Variants in RNF217 observed in about 807,000 individuals in gnomAD.
RNF217 encodes ring finger protein 217.
Under a neutral mutation model 57.8 loss-of-function variants are expected in RNF217, and 31 were observed. The ratio of observed to expected loss-of-function variants is 0.54; its 90% confidence interval spans 0.40 to 0.72. The LOEUF (loss-of-function observed/expected upper bound fraction) is 0.72, where lower values mean the gene tolerates loss of function less well. RNF217 is among the 30% of genes least tolerant of loss of function. The pLI is 0.00. For missense variants in RNF217, 696 were observed against 708.3 expected (o/e 0.98, Z 0.20); for synonymous variants, 313 against 294.0 (o/e 1.06, Z -0.66).
intron 1 of RNF217, among the ~76,000 whole-genome samples, chr6:125,006,395 T>C (rs982252092): frequency 6.6e-6 from 1 of 152,214 alleles, no homozygotes; most frequent in African/African-American, 2.4e-5. Context: ...CTCACTTTCC[T>C]AGCATAGTTA....
Position 125,090,057 on chromosome 6 carries a change from C to T in RNF217, c.*7120C>T, listed in dbSNP as rs1320495601. The T allele has an allele frequency of 3.9e-5, 6 of 151,982 alleles. No homozygotes were observed. The highest frequency in any genetic ancestry group is 5.9e-5 in the Non-Finnish European group (4 of 67,990). 9.4% of individuals were successfully genotyped at this position (151,982 alleles called of 1,614,324 possible). On this transcript the variant is annotated 3_prime_UTR_variant, in exon 6 of 6. Coordinates refer to ENST00000521654, the MANE Select transcript of RNF217 (RefSeq NM_001286398.3). ...CATTTTTTTAAGTGTCATATGGCAA[C>T]TCCTCAATAGCTTACTTTTATTATT...
chr6:125,039,512 C>T (rs1026934312), intron 1 of RNF217, among the ~76,000 whole-genome samples: 1 of 152,100 alleles, frequency 6.6e-6, no homozygotes, highest in Non-Finnish European at 1.5e-5. Context: ...GAGACTTTAA[C>T]ACCACATTTT....
chr6:125,047,878 T>G (rs1312716352), intron 2 of RNF217, among the ~76,000 whole-genome samples: 5 of 152,018 alleles, frequency 3.3e-5, no homozygotes, highest in Non-Finnish European at 7.4e-5. Context: ...TTAAGCAAAT[T>G]TCAAAAGAGT....
intron 1 of RNF217, among the ~76,000 whole-genome samples, chr6:124,968,081 C>T (rs571474627): frequency 1.3e-5 from 2 of 152,256 alleles, no homozygotes; most frequent in South Asian, 4.2e-4. Context: ...CGTGCCTGGC[C>T]CCATAAATTC....
intron 1 of RNF217, among the ~76,000 whole-genome samples, chr6:125,014,163 A>G (rs1005571138): frequency 2.0e-5 from 3 of 152,180 alleles, no homozygotes; most frequent in Admixed American, 2.0e-4. Flanking sequence ...GTCAGAATGG[A>G]TGGTCATTAA....
rs1788722018 is a variant in RNF217, at chr6:125,084,766, A to C, written c.*1829A>C. 1 of 151,968 alleles carries C rather than the reference A, an allele frequency of 6.6e-6. No individual in the cohort carries two copies. The highest frequency in any genetic ancestry group is 1.5e-5 in the Non-Finnish European group (1 of 67,860). 9.4% of individuals were successfully genotyped at this position (151,968 alleles called of 1,614,324 possible). On this transcript the variant is annotated 3_prime_UTR_variant, in exon 6 of 6. Transcript: ENST00000521654. ...TTTGGGAATAGCATATTTCTAAAGC[A>C]TAATATAATACAAGAAATAGTGATG...
intron 1 of RNF217, among the ~76,000 whole-genome samples, chr6:124,974,195 C>G (rs1218057591): frequency 1.3e-5 from 2 of 152,256 alleles, no homozygotes; most frequent in East Asian, 3.9e-4. Flanking sequence ...ACATTGACCT[C>G]AACTTATTTT....
At chr6:125,008,479 C>T (rs550737614) in intron 1 of RNF217, among the ~76,000 whole-genome samples, 3 of 152,242 alleles carry the variant, frequency 2.0e-5, no homozygotes, top group African/African-American at 4.8e-5. Flanking sequence ...ATGCATACTG[C>T]GAGTTTGAAT....
At chr6:125,052,635 G>A (rs1787368873) in intron 2 of RNF217, among the ~76,000 whole-genome samples, 2 of 152,030 alleles carry the variant, frequency 1.3e-5, no homozygotes, top group South Asian at 4.1e-4. Context: ...CTGACTTTAG[G>A]ATTTGATGTT....
chr6:125,083,430 A>G lies in RNF217; in HGVS notation c.*493A>G, dbSNP rs918386359. 2 of 152,222 alleles carry G rather than the reference A, an allele frequency of 1.3e-5. No individual in the cohort carries two copies. Among genetic ancestry groups the G allele is most frequent in the African/African-American group, 4.8e-5 (2 of 41,450 alleles). The allele number at this position is 152,222 out of a possible 1,614,324, so 9.4% of individuals were successfully genotyped here. A position where few individuals can be genotyped will look rare whatever the true frequency, so the allele number is the denominator to read the frequency against. ...TTATAATCTGTGGCCCCAGCAGTAT[A>G]ATTCTTTTATCTTTCAAATGTTATA... On this transcript the variant is annotated 3_prime_UTR_variant, in exon 6 of 6. Transcript: ENST00000521654.
chr6:125,018,230 TCTTA>T (rs1003040839), intron 1 of RNF217, among the ~76,000 whole-genome samples: 1 of 152,202 alleles, frequency 6.6e-6, no homozygotes, highest in African/African-American at 2.4e-5. Context: ...TTAAATAATT[TCTTA>T]CTTAAGCCTT....
chr6:124,975,941 T>C (rs901106712), intron 1 of RNF217, among the ~76,000 whole-genome samples: 1 of 151,738 alleles, frequency 6.6e-6, no homozygotes, highest in African/African-American at 2.4e-5. Context: ...ATTTTTCCTA[T>C]GTTATCATTT....
At chr6:125,063,378 G>T (rs1787815690) in intron 3 of RNF217, among the ~76,000 whole-genome samples, 2 of 152,092 alleles carry the variant, frequency 1.3e-5, no homozygotes, top group Non-Finnish European at 2.9e-5. Context: ...CTAGATGACA[G>T]GAAGTTACTT....
chr6:124,976,365 T>A (rs2115002175), intron 1 of RNF217, among the ~76,000 whole-genome samples: 1 of 147,666 alleles, frequency 6.8e-6, no homozygotes, highest in Admixed American at 7.0e-5. Flanking sequence ...ACCTCCTGGG[T>A]TCAAGCAATT....
intron 5 of RNF217, among the ~76,000 whole-genome samples, chr6:125,081,810 A>G (rs1788586274): frequency 6.6e-6 from 1 of 152,116 alleles, no homozygotes. Flanking sequence ...CAAGTGGAAT[A>G]GAACCCAAAT....
chr6:125,005,826 G>A, intron 1 of RNF217, among the ~76,000 whole-genome samples: 1 of 152,252 alleles, frequency 6.6e-6, no homozygotes, highest in African/African-American at 2.4e-5. Context: ...TAAGGTATTA[G>A]AGCATAGTTA....
In RNF217 at chr6:125,091,416, G is replaced by A. The variant is rs1788947888; in HGVS notation, c.*8479G>A. ...TGGTCCCTCTATTTAAAGTGCTAAGGAGAAAGCATATCTTTAGGGATGTAT... is the reference window on the plus strand; with the variant it reads ...TGGTCCCTCTATTTAAAGTGCTAAGAAGAAAGCATATCTTTAGGGATGTAT... On this transcript the variant is annotated 3_prime_UTR_variant, in exon 6 of 6. Transcript: ENST00000521654. The A allele has an allele frequency of 6.6e-6, 1 of 151,950 alleles. No individual in the cohort carries two copies. The highest frequency in any genetic ancestry group is 2.4e-5 in the African/African-American group (1 of 41,374). 9.4% of individuals were successfully genotyped at this position (151,950 alleles called of 1,614,324 possible).
At chr6:125,068,665 A>C (rs1788026765) in intron 3 of RNF217, among the ~76,000 whole-genome samples, 1 of 152,200 alleles carries the variant, frequency 6.6e-6, no homozygotes, top group Non-Finnish European at 1.5e-5. Context: ...GTCTGTATAC[A>C]TGTATAAGCT....
rs181853092 is a variant in RNF217 at position 124,993,538 on chromosome 6, G to T, written c.882+30112G>T. 4.6e-5 allele frequency among the ~76,000 whole-genome samples: 7 copies of T among 152,222 alleles called. No homozygotes were observed. The East Asian group carries it at 1.4e-3, about 29-fold the overall frequency. On this transcript the variant is annotated intron_variant, in intron 1 of 5. Transcript: ENST00000521654. Reference sequence around the variant, plus strand: ...ACTGAGGGCTTTCTAGTTGTGGCACGCACTATTCCAGATCTTGGCAGTGCA... The same window carrying T: ...ACTGAGGGCTTTCTAGTTGTGGCACTCACTATTCCAGATCTTGGCAGTGCA...
Sources: allele counts gnomAD v4.1 joint callset (sites outside exome capture counted in the v4.1 genomes callset), GRCh38; gene constraint gnomAD v4.1.1; transcripts MANE v1.5; gene names NCBI Gene and HGNC (gene_info 2026-07-23, HGNC 2026-07-21).